The following NKAIN2 variants were observed in gnomAD, a reference collection of about 807,000 sequenced individuals.
NKAIN2 encodes sodium/potassium transporting ATPase interacting 2.
In NKAIN2, 14 loss-of-function variants were observed where a neutral mutation model predicts 32.6. The ratio of observed to expected loss-of-function variants is 0.43; its 90% confidence interval spans 0.28 to 0.67. The LOEUF is 0.67. NKAIN2 is among the 30% of genes least tolerant of loss of function. NKAIN2 has a pLI of 0.17. For missense variants in NKAIN2, 198 were observed against 258.3 expected, an observed-to-expected ratio of 0.77 and a Z score of 1.60; for synonymous variants, 80 against 87.2, an observed-to-expected ratio of 0.92 and a Z score of 0.46.
chr6:124,050,689 T>C (rs1782362883), intron 1 of NKAIN2, among the ~76,000 whole-genome samples: 2 of 152,204 alleles, frequency 1.3e-5, no homozygotes, highest in South Asian at 4.1e-4. Flanking sequence ...GCTAAATTTA[T>C]TTATTTATTG....
At chr6:124,242,641 C>T (rs541853026) in intron 1 of NKAIN2, among the ~76,000 whole-genome samples, 1 of 152,224 alleles carries the variant, frequency 6.6e-6, no homozygotes, top group Non-Finnish European at 1.5e-5. Context: ...TTGGAACCAA[C>T]CCAGATGCCC....
At chr6:124,006,706 A>G (rs1432093169) in intron 1 of NKAIN2, among the ~76,000 whole-genome samples, 1 of 152,104 alleles carries the variant, frequency 6.6e-6, no homozygotes, top group Non-Finnish European at 1.5e-5. Context: ...TGATTGGACC[A>G]GGCAGGATGC....
intron 1 of NKAIN2, among the ~76,000 whole-genome samples, chr6:123,966,113 G>A (rs1778065059): frequency 6.6e-6 from 1 of 152,172 alleles, no homozygotes; most frequent in Non-Finnish European, 1.5e-5. Context: ...TCCGCCTGCT[G>A]TTTTTGGCTG....
chr6:124,745,210 G>A (rs1234339219), intron 4 of NKAIN2, among the ~76,000 whole-genome samples: 2 of 151,844 alleles, frequency 1.3e-5, no homozygotes, highest in Non-Finnish European at 2.9e-5. Context: ...ATGGGAAAAT[G>A]GATGACAGAA....
intron 1 of NKAIN2, among the ~76,000 whole-genome samples, chr6:124,165,279 C>G (rs967721102): frequency 1.3e-5 from 2 of 151,794 alleles, no homozygotes; most frequent in African/African-American, 4.8e-5. Flanking sequence ...GTGCACTGTC[C>G]CTTGAGGAAA....
chr6:124,099,288 T>C (rs1048782572), intron 1 of NKAIN2, among the ~76,000 whole-genome samples: 2 of 152,200 alleles, frequency 1.3e-5, no homozygotes, highest in African/African-American at 4.8e-5. Flanking sequence ...TCTGCCTTTT[T>C]AATATGATGA....
rs1776098093 is a variant in NKAIN2 at position 123,928,260 on chromosome 6, TGTGAG to T, written c.54+124012_54+124016del. Among the ~76,000 whole-genome samples the T allele has an allele frequency of 3.3e-5, 5 of 152,178 alleles. No individual in the cohort carries two copies. In the East Asian group the frequency reaches 7.7e-4, roughly 24 times the overall value. ...CACGGGGAACTACTAGAGGAAACAA[TGTGAG>T]GTGAGTGCAAGGACTGAAAAACTAT... On this transcript the variant is annotated intron_variant, in intron 1 of 6. Transcript: ENST00000368417.
intron 1 of NKAIN2, among the ~76,000 whole-genome samples, chr6:124,007,386 G>T (rs3861386): frequency 0.28 from 43,195 of 152,028 alleles, 6,355 homozygotes; most frequent in East Asian, 0.39. Context: ...ACAATGTTGA[G>T]ATTGCCACCA....
intron 1 of NKAIN2, among the ~76,000 whole-genome samples, chr6:124,158,583 C>T (rs984650444): frequency 1.3e-5 from 2 of 152,138 alleles, no homozygotes; most frequent in Non-Finnish European, 2.9e-5. Context: ...GTTTGGCACT[C>T]ATCTTCAAAT....
At chr6:124,804,092 C>T (rs1462451016) in intron 5 of NKAIN2, among the ~76,000 whole-genome samples, 1 of 152,172 alleles carries the variant, frequency 6.6e-6, no homozygotes, top group African/African-American at 2.4e-5. Context: ...AACCTGAGCA[C>T]AGGTCTTCTG....
intron 1 of NKAIN2, among the ~76,000 whole-genome samples, chr6:124,154,343 A>G (rs1381198991): frequency 2.0e-5 from 3 of 151,910 alleles, no homozygotes; most frequent in Non-Finnish European, 4.4e-5. Flanking sequence ...AGTTCTGTTC[A>G]TAGCCATGCT....
intron 2 of NKAIN2, among the ~76,000 whole-genome samples, chr6:124,330,559 C>T (rs574242637): frequency 2.5e-4 from 38 of 152,274 alleles, no homozygotes; most frequent in Admixed American, 4.6e-4. Context: ...GAGTGCATAA[C>T]CATGAGACAC....
intron 3 of NKAIN2, among the ~76,000 whole-genome samples, chr6:124,433,201 C>T (rs1775291347): frequency 6.6e-6 from 1 of 152,108 alleles, no homozygotes; most frequent in Non-Finnish European, 1.5e-5. Context: ...CTGAATTGGA[C>T]TGGGCCACTT....
At chr6:124,185,799 G>A (rs539982719) in intron 1 of NKAIN2, among the ~76,000 whole-genome samples, 28 of 152,200 alleles carry the variant, frequency 1.8e-4, no homozygotes, top group Middle Eastern at 6.8e-3. Flanking sequence ...ATTAGGTTAT[G>A]GGAGTTCTTA....
intron 3 of NKAIN2, among the ~76,000 whole-genome samples, chr6:124,599,066 T>C (rs939885261): frequency 6.6e-6 from 1 of 151,942 alleles, no homozygotes; most frequent in Non-Finnish European, 1.5e-5. Flanking sequence ...CTGTAGTTTT[T>C]TCAAAAACCG....
chr6:124,109,796 G>GT (rs1327630936), intron 1 of NKAIN2, among the ~76,000 whole-genome samples: 13 of 151,972 alleles, frequency 8.6e-5, no homozygotes, highest in Non-Finnish European at 1.9e-4. Context: ...ATTTTCGAGG[G>GT]TTTTTATCAT....
At chr6:124,718,669 C>T (rs1430776008) in intron 4 of NKAIN2, among the ~76,000 whole-genome samples, 1 of 152,154 alleles carries the variant, frequency 6.6e-6, no homozygotes, top group Non-Finnish European at 1.5e-5. Context: ...CCACCCTCAC[C>T]ACACTTACTG....
At chr6:124,610,115 C>T (rs1398014016) in intron 3 of NKAIN2, among the ~76,000 whole-genome samples, 3 of 152,138 alleles carry the variant, frequency 2.0e-5, no homozygotes, top group African/African-American at 7.2e-5. Context: ...AGCACCTACT[C>T]TGTAAAACAT....
At chr6:124,062,841 T>C (rs182400140) in intron 1 of NKAIN2, among the ~76,000 whole-genome samples, 11 of 152,326 alleles carry the variant, frequency 7.2e-5, no homozygotes, top group African/African-American at 2.2e-4. Context: ...GTAGGCACTC[T>C]TGTGAATGAA....
Sources: gnomAD v4.1 joint callset for allele counts (sites outside exome capture counted in the v4.1 genomes callset) on GRCh38, gnomAD v4.1.1 for gene constraint, MANE v1.5 for transcripts, NCBI Gene and HGNC (gene_info 2026-07-23, HGNC 2026-07-21) for gene names.